ANKS1B: variants seen among roughly 807,000 people sequenced by gnomAD.
ANKS1B encodes the protein ankyrin repeat and sterile alpha motif domain-containing protein 1B.
ANKS1B carries 36 observed loss-of-function variants against 148.3 expected under a neutral mutation model. The ratio of observed to expected loss-of-function variants is 0.24; its 90% confidence interval spans 0.19 to 0.32. The LOEUF is 0.32. Among genes scored for constraint, ANKS1B ranks in the 10% least tolerant of loss-of-function variants. ANKS1B has a pLI of 1.00. For missense variants in ANKS1B, 1,157 were observed against 1,542.6 expected, an observed-to-expected ratio of 0.75 and a Z score of 4.19; for synonymous variants, 542 against 560.8, an observed-to-expected ratio of 0.97 and a Z score of 0.47.
intron 17 of ANKS1B, among the ~76,000 whole-genome samples, chr12:99,025,132 C>T (rs2099948018): frequency 6.6e-6 from 1 of 152,050 alleles, no homozygotes; most frequent in Non-Finnish European, 1.5e-5. Context: ...TTCCTGTGTC[C>T]CCTGTGCTGC....
intron 15 of ANKS1B, among the ~76,000 whole-genome samples, chr12:99,140,706 T>G (rs1204956129): frequency 6.6e-6 from 1 of 152,100 alleles, no homozygotes; most frequent in African/African-American, 2.4e-5. Flanking sequence ...ATGGAAGCAA[T>G]TCTGTGCCTT....
At chr12:99,534,913 G>A (rs2097049384) in intron 9 of ANKS1B, among the ~76,000 whole-genome samples, 1 of 151,824 alleles carries the variant, frequency 6.6e-6, no homozygotes, top group Non-Finnish European at 1.5e-5. Context: ...GTTTCACCAT[G>A]TTAGCCAGGA....
chr12:99,723,040 TG>T lies in ANKS1B; in HGVS notation c.1128+49881del, dbSNP rs1434987677. 4.6e-5 allele frequency among the ~76,000 whole-genome samples: 7 copies of T among 152,284 alleles called. No individual in the cohort carries two copies. In the South Asian group the frequency reaches 1.4e-3, roughly 32 times the overall value. On this transcript the variant is annotated intron_variant, in intron 8 of 26. Coordinates refer to ENST00000683438, the MANE Select transcript of ANKS1B (RefSeq NM_001352186.2). ...CCTCCTGATCAGAAGATCTCACTCA[TG>T]AAATCACAACACCAGGGCCTAGGAT...
At chr12:99,491,254 G>T (rs555632823) in intron 10 of ANKS1B, among the ~76,000 whole-genome samples, 1 of 151,778 alleles carries the variant, frequency 6.6e-6, no homozygotes. Flanking sequence ...GCAGTGAGCT[G>T]ACATAACGCC....
chr12:99,641,235 T>C (rs1444810757), intron 9 of ANKS1B, among the ~76,000 whole-genome samples: 1 of 152,228 alleles, frequency 6.6e-6, no homozygotes, highest in East Asian at 1.9e-4. Context: ...GAATCTTGCA[T>C]TTATATTGAA....
chr12:99,333,427 C>T (rs1482723312), intron 12 of ANKS1B, among the ~76,000 whole-genome samples: 1 of 152,078 alleles, frequency 6.6e-6, no homozygotes, highest in Non-Finnish European at 1.5e-5. Flanking sequence ...CAATTTCATA[C>T]ATAAATCAGA....
intron 9 of ANKS1B, among the ~76,000 whole-genome samples, chr12:99,616,975 G>T (rs2097972768): frequency 6.6e-6 from 1 of 152,004 alleles, no homozygotes; most frequent in Admixed American, 6.6e-5. Context: ...TCAAAAAGTG[G>T]GTAAAGGATA....
In ANKS1B at chr12:98,821,015, C is replaced by A. The variant is rs1317810345; in HGVS notation, c.3066+8159G>T. 2.0e-5 allele frequency among the ~76,000 whole-genome samples: 3 copies of A among 152,330 alleles called. No homozygotes were observed. The South Asian group carries it at 6.2e-4, about 32-fold the overall frequency. ...CTAAAACAACCCAAACGTATAGTTT[C>A]ATAGTTTGTAAAACACTTCGAAAAA... On this transcript the variant is annotated intron_variant, in intron 19 of 26. Coordinates refer to ENST00000683438, the MANE Select transcript of ANKS1B (RefSeq NM_001352186.2).
intron 11 of ANKS1B, among the ~76,000 whole-genome samples, chr12:99,401,394 T>C (rs1275426184): frequency 6.8e-6 from 1 of 146,512 alleles, no homozygotes; most frequent in Non-Finnish European, 1.5e-5. Context: ...TGTTTCACTT[T>C]ATGTGTAGGC....
intron 1 of ANKS1B, among the ~76,000 whole-genome samples, chr12:99,907,900 C>T (rs1216340167): frequency 2.0e-5 from 3 of 149,148 alleles, no homozygotes; most frequent in Non-Finnish European, 1.5e-5. Context: ...TTAAAACTAA[C>T]CCAAAAGAGG....
intron 9 of ANKS1B, chr12:98,735,771 C>G (rs1053620779): frequency 2.0e-6 from 1 of 503,090 alleles, no homozygotes; most frequent in African/African-American, 1.9e-5. Context: ...AAGTCTTGCT[C>G]TACTGCAGTT....
intron 17 of ANKS1B, among the ~76,000 whole-genome samples, chr12:99,035,008 T>A (rs1166204422): frequency 6.6e-6 from 1 of 152,148 alleles, no homozygotes; most frequent in Admixed American, 6.5e-5. Context: ...TGATGTGAGC[T>A]GAGATGATGT....
At chr12:98,937,989 G>C (rs1217813581) in intron 17 of ANKS1B, among the ~76,000 whole-genome samples, 2 of 152,074 alleles carry the variant, frequency 1.3e-5, no homozygotes, top group African/African-American at 4.8e-5. Flanking sequence ...CAGCATGGGG[G>C]AAACTGCCCC....
At chr12:99,984,001 A>G in intron 1 of ANKS1B, 103 bp downstream of exon 1, 2 of 1,045,140 alleles carry the variant, frequency 1.9e-6, no homozygotes, top group South Asian at 1.9e-5. Context: ...TTAAGAATGA[A>G]TCGCTGGCAG....
chr12:99,832,494 C>T (rs2084175459), intron 1 of ANKS1B, among the ~76,000 whole-genome samples: 1 of 151,884 alleles, frequency 6.6e-6, no homozygotes, highest in Non-Finnish European at 1.5e-5. Context: ...GAGGCCGGGG[C>T]AGGTGGATTA....
At chr12:99,275,533 T>A (rs1010951457) in intron 12 of ANKS1B, among the ~76,000 whole-genome samples, 1 of 152,266 alleles carries the variant, frequency 6.6e-6, no homozygotes, top group Non-Finnish European at 1.5e-5. Context: ...CATTCCTTTT[T>A]ATGGCTTAAT....
chr12:99,438,126 C>G (rs995613725), intron 11 of ANKS1B, among the ~76,000 whole-genome samples: 5 of 151,796 alleles, frequency 3.3e-5, no homozygotes, highest in African/African-American at 9.7e-5. Context: ...CAATGATTCT[C>G]TCTCTCTTTT....
Position 99,617,071 on chromosome 12 carries a change from G to A in ANKS1B, c.1272+37996C>T, listed in dbSNP as rs1024765394. Among the ~76,000 whole-genome samples, 6 of 152,180 alleles carry A rather than the reference G, an allele frequency of 3.9e-5. 1 individual carries two copies. Among genetic ancestry groups the A allele is most frequent in the African/African-American group, 1.4e-4 (6 of 41,444 alleles). ...CATCATCACTGGTCATTAGAGAAAT[G>A]CAAATCAAAACTACAATGAGATACC... On this transcript the variant is annotated intron_variant, in intron 9 of 26. Coordinates refer to ENST00000683438, the MANE Select transcript of ANKS1B (RefSeq NM_001352186.2).
chr12:99,099,587 C>T (rs1483600299), intron 15 of ANKS1B, among the ~76,000 whole-genome samples: 4 of 152,190 alleles, frequency 2.6e-5, no homozygotes, highest in African/African-American at 7.2e-5. Context: ...TCCTTCTAAC[C>T]GTCCTGGGTT....
Sources: allele counts gnomAD v4.1 joint callset (sites outside exome capture counted in the v4.1 genomes callset), GRCh38; gene constraint gnomAD v4.1.1; transcripts MANE v1.5; gene names NCBI Gene and HGNC (gene_info 2026-07-23, HGNC 2026-07-21).